Variants in RALGPS2 observed in about 807,000 individuals in gnomAD.
RALGPS2 encodes Ral GEF with PH domain and SH3 binding motif 2, also known as ras-specific guanine nucleotide-releasing factor RalGPS2.
A neutral mutation model predicts 86.8 loss-of-function variants in RALGPS2; 43 were observed. The ratio of observed to expected loss-of-function variants is 0.50; its 90% CI spans 0.39 to 0.64. The LOEUF (loss-of-function observed/expected upper bound fraction) is 0.64. Ranked by LOEUF, RALGPS2 falls within the 30% of genes least tolerant of loss-of-function variation. RALGPS2 has a pLI of 0.00. For missense variants in RALGPS2, 536 were observed against 694.6 expected (o/e 0.77, Z 2.57); for synonymous variants, 243 against 231.3 (o/e 1.05, Z -0.46).
At chr1:178,748,305 G>T (rs950153166) in intron 1 of RALGPS2, among the ~76,000 whole-genome samples, 8 of 149,680 alleles carry the variant, frequency 5.3e-5, no homozygotes, top group Non-Finnish European at 8.9e-5. Context: ...GGGCAACAGA[G>T]TGAGACTCCG....
At chr1:178,801,760 C>T (rs749112196) in intron 4 of RALGPS2, among the ~76,000 whole-genome samples, 5 of 125,344 alleles carry the variant, frequency 4.0e-5, no homozygotes, top group Non-Finnish European at 6.5e-5. Context: ...TGGAGAAATT[C>T]AAGAGCTAAT....
intron 3 of RALGPS2, among the ~76,000 whole-genome samples, chr1:178,784,747 T>C (rs1475905634): frequency 2.0e-5 from 3 of 152,184 alleles, no homozygotes; most frequent in Non-Finnish European, 4.4e-5. Flanking sequence ...TACACTTCAA[T>C]TTGGTAAGTA....
At chr1:178,847,510 G>A (rs1009220796) in intron 8 of RALGPS2, among the ~76,000 whole-genome samples, 5 of 151,508 alleles carry the variant, frequency 3.3e-5, no homozygotes, top group Non-Finnish European at 7.4e-5. Flanking sequence ...TTTTCAGGGC[G>A]AGGTCATAGC....
chr1:178,731,954 C>T (rs115268985), intron 1 of RALGPS2, among the ~76,000 whole-genome samples: 1 of 152,070 alleles, frequency 6.6e-6, no homozygotes, highest in African/African-American at 2.4e-5. Flanking sequence ...GACACCTGAT[C>T]TTATACAAGC....
At chr1:178,771,099 A>T (rs1393668387) in intron 1 of RALGPS2, among the ~76,000 whole-genome samples, 1 of 151,882 alleles carries the variant, frequency 6.6e-6, no homozygotes, top group African/African-American at 2.4e-5. Context: ...TCGGCCTCCC[A>T]AAGTGCTGGG....
intron 1 of RALGPS2, among the ~76,000 whole-genome samples, chr1:178,745,367 A>G (rs1034981437): frequency 6.6e-6 from 1 of 152,234 alleles, no homozygotes; most frequent in African/African-American, 2.4e-5. Context: ...ATGCTATCTG[A>G]TATCACAATT....
chr1:178,780,405 T>C (rs921081217), intron 2 of RALGPS2, among the ~76,000 whole-genome samples: 8 of 152,186 alleles, frequency 5.3e-5, no homozygotes, highest in South Asian at 2.1e-4. Context: ...GTTGCACTTA[T>C]ATTTTCTGTT....
intron 1 of RALGPS2, among the ~76,000 whole-genome samples, chr1:178,763,500 G>C (rs907950397): frequency 6.6e-6 from 1 of 152,156 alleles, no homozygotes; most frequent in Non-Finnish European, 1.5e-5. Context: ...TTTTCCATTT[G>C]TTTGTGTCCT....
chr1:178,829,556 C>G (rs1655916084), intron 7 of RALGPS2, among the ~76,000 whole-genome samples: 2 of 152,088 alleles, frequency 1.3e-5, no homozygotes, highest in Admixed American at 1.3e-4. Flanking sequence ...CAAAACCTTT[C>G]CCCATTCATG....
At chr1:178,778,100 A>G (rs1439857091) in intron 2 of RALGPS2, among the ~76,000 whole-genome samples, 2 of 129,196 alleles carry the variant, frequency 1.5e-5, no homozygotes, top group Admixed American at 1.5e-4. Context: ...ATCAGAGTGA[A>G]CAGGCAACCT....
intron 18 of RALGPS2, among the ~76,000 whole-genome samples, chr1:178,903,202 A>G (rs1312510790): frequency 6.6e-6 from 1 of 152,172 alleles, no homozygotes; most frequent in Non-Finnish European, 1.5e-5. Flanking sequence ...TTATTCAGAT[A>G]CTATTTTGTA....
intron 7 of RALGPS2, among the ~76,000 whole-genome samples, chr1:178,832,536 A>G (rs1020216823): frequency 3.3e-5 from 5 of 152,220 alleles, no homozygotes; most frequent in South Asian, 4.1e-4. Context: ...TTCATCTCTA[A>G]ATTAATACTC....
rs575760192 is a variant in RALGPS2, at chr1:178,859,428, G to A, written c.608-18070G>A. Among the ~76,000 whole-genome samples, 938 of 128,678 alleles carry A rather than the reference G, an allele frequency of 7.3e-3. 4 individuals are homozygous for A. The highest frequency in any genetic ancestry group is 0.011 in the Admixed American group (136 of 11,972). 84.4% of individuals were successfully genotyped at this position (128,678 alleles called of 152,430 possible). A position where few individuals can be genotyped will look rare whatever the true frequency, so the allele number is the denominator to read the frequency against. On this transcript the variant is annotated intron_variant, in intron 8 of 19. Transcript: ENST00000367635. Reference sequence around the variant, plus strand: ...TTTTTTTTTTTTTTTTTTTTGAGACGGAGTCTCGCTCTGTCGCCAGGCTGG... The same window carrying A: ...TTTTTTTTTTTTTTTTTTTTGAGACAGAGTCTCGCTCTGTCGCCAGGCTGG...
chr1:178,783,643 T>G (rs1000296741), intron 2 of RALGPS2, among the ~76,000 whole-genome samples: 2 of 152,164 alleles, frequency 1.3e-5, no homozygotes, highest in African/African-American at 4.8e-5. Flanking sequence ...GAAACTTTGA[T>G]TAATTTTTTT....
chr1:178,911,135 C>T (rs10913640), intron 19 of RALGPS2, among the ~76,000 whole-genome samples: 12,218 of 151,970 alleles, frequency 0.08, 515 homozygotes, highest in African/African-American at 0.1. Flanking sequence ...TTATTTGGAT[C>T]TTTTCTCTTG....
chr1:178,851,287 AGCCTCCTTT>A (rs777700653), intron 8 of RALGPS2: 2 of 1,611,656 alleles, frequency 1.2e-6, no homozygotes, highest in Non-Finnish European at 1.7e-6. Context: ...TTGTACCACC[AGCCTCCTTT>A]ATGAAAGTGG....
In RALGPS2 at chr1:178,808,134, T is replaced by C; in HGVS notation, c.297+6T>C. On this transcript the variant is annotated splice_donor_region_variant and intron_variant, in intron 5 of 19. Transcript: ENST00000367635. ...TCACAAGAAGATTCAATCATGTGAG[T>C]TTATAAATTTTGATACTGTGTCTGA... The C allele has an allele frequency of 1.3e-6, 2 of 1,563,822 alleles. No homozygotes were observed. Among genetic ancestry groups the C allele is most frequent in the South Asian group, 2.2e-5 (2 of 89,340 alleles).
intron 1 of RALGPS2, among the ~76,000 whole-genome samples, chr1:178,759,729 T>C (rs1652140748): frequency 6.6e-6 from 1 of 152,128 alleles, no homozygotes; most frequent in Admixed American, 6.5e-5. Flanking sequence ...ATATGCAATA[T>C]CCATTTTTTT....
In RALGPS2 at chr1:178,919,066, A is replaced by G. The variant is rs1460840143; in HGVS notation, c.*2707A>G. The stretch of plus-strand genomic sequence containing the variant: ...TTGGCATGTTATATAGCCTGTTGAA[A>G]ATAACTACAGAATGACCTTCCAGAG... On this transcript the variant is annotated 3_prime_UTR_variant, in exon 20 of 20. Coordinates refer to ENST00000367635, the MANE Select transcript of RALGPS2 (RefSeq NM_152663.5). The G allele has an allele frequency of 6.6e-6, 1 of 152,056 alleles. No homozygotes were observed. Among genetic ancestry groups the G allele is most frequent in the African/African-American group, 2.4e-5 (1 of 41,436 alleles). The allele number at this position is 152,056 out of a possible 1,614,324, so 9.4% of individuals were successfully genotyped here.
Sources: gnomAD v4.1 joint callset for allele counts (sites outside exome capture counted in the v4.1 genomes callset) on GRCh38, gnomAD v4.1.1 for gene constraint, MANE v1.5 for transcripts, NCBI Gene and HGNC (gene_info 2026-07-23, HGNC 2026-07-21) for gene names.